The following SRRM3 variants were observed in gnomAD, a reference collection of about 807,000 sequenced individuals.
SRRM3 encodes serine/arginine repetitive matrix protein 3.
SRRM3 carries 27 observed loss-of-function variants against 66.2 expected under a neutral mutation model. The ratio of observed to expected loss-of-function variants is 0.41; its 90% CI spans 0.30 to 0.56. The LOEUF (loss-of-function observed/expected upper bound fraction) is 0.56. Among genes scored for constraint, SRRM3 ranks in the 20% least tolerant of loss-of-function variants. The pLI is 0.32. For missense variants in SRRM3, 918 were observed against 991.9 expected (o/e 0.93, Z 1.00); for synonymous variants, 391 against 414.9 (o/e 0.94, Z 0.70).
chr7:76,265,865 T>TTA (rs1802011863), intron 10 of SRRM3, among the ~76,000 whole-genome samples: 1 of 21,966 alleles, frequency 4.6e-5, no homozygotes, highest in Non-Finnish European at 6.2e-5. Context: ...TATATTTTTT[T>TTA]TTTTTTTTTT....
In SRRM3 at chr7:76,281,475, A is replaced by G. The variant is rs1554611886; in HGVS notation, c.1043A>G (p.Lys348Arg). The change falls in exon 12 of 15, where the codon AAG becomes AGG. Residue 348 changes from lysine (K) to arginine (R), a missense_variant. By Grantham distance (26) the Lys-to-Arg change is conservative. Transcript: ENST00000611745. ...TCGCCCTCGCCCAGGGTCCGTGACA[A>G]GGCGGCGGCCGCCGCACCCACGCCG... ...PSSPSPRVRD[K>R]AAAAAPTPPA... The G allele has an allele frequency of 8.2e-7, 1 of 1,223,670 alleles. No homozygotes were observed. The highest frequency in any genetic ancestry group is 1.0e-6 in the Non-Finnish European group (1 of 978,602). The allele number at this position is 1,223,670 out of a possible 1,614,324, so 75.8% of individuals were successfully genotyped here.
chr7:76,261,673 A>T, intron 8 of SRRM3, 92 bp downstream of exon 8: 1 of 1,367,794 alleles, frequency 7.3e-7, no homozygotes, highest in Non-Finnish European at 1.0e-6. Context: ...TGAGGGTCCC[A>T]CAGGGCTCCA....
chr7:76,202,784 C>G (rs993288219), intron 1 of SRRM3, among the ~76,000 whole-genome samples: 32 of 152,156 alleles, frequency 2.1e-4, no homozygotes, highest in African/African-American at 7.5e-4. Flanking sequence ...GACGCAGCCT[C>G]TGCCTTGCCT....
At chr7:76,265,858 ATTTTTTTT>A (rs1156687535) in intron 10 of SRRM3, among the ~76,000 whole-genome samples, 8 of 8,364 alleles carry the variant, frequency 9.6e-4, no homozygotes, top group Non-Finnish European at 1.2e-3. Context: ...ATATATATAT[ATTTTTTTT>A]TTTTTTTTTT....
At chr7:76,238,722 A>C (rs1801208396) in intron 2 of SRRM3, among the ~76,000 whole-genome samples, 1 of 152,088 alleles carries the variant, frequency 6.6e-6, no homozygotes, top group Non-Finnish European at 1.5e-5. Flanking sequence ...GTGCAGTGGC[A>C]TGTTCTCTGC....
chr7:76,241,177 A>G (rs1248878133), intron 2 of SRRM3, among the ~76,000 whole-genome samples: 1 of 152,220 alleles, frequency 6.6e-6, no homozygotes, highest in Non-Finnish European at 1.5e-5. Flanking sequence ...GATTGCAGGC[A>G]TAAGCCACTG....
intron 2 of SRRM3, among the ~76,000 whole-genome samples, chr7:76,246,355 G>A (rs1583904191): frequency 6.6e-6 from 1 of 152,130 alleles, no homozygotes; most frequent in South Asian, 2.1e-4. Context: ...TCTGAGGTCA[G>A]GAGTTCATGA....
chr7:76,282,544 G>A (rs1376943183), intron 12 of SRRM3, 104 bp from the exon 13 acceptor site: 3 of 580,812 alleles, frequency 5.2e-6, no homozygotes, highest in Non-Finnish European at 7.9e-6. Flanking sequence ...CAAACTACAC[G>A]GACCCCGCCC....
Position 76,241,148 on chromosome 7 carries a change from C to T in SRRM3, c.233+5849C>T, listed in dbSNP as rs1436325727. ...CTGACCTCAAGTGATCTGCCCGCCT[C>T]GGCCTCCCAAAGTACTGAGATTGCA... On this transcript the variant is annotated intron_variant, in intron 2 of 14. Coordinates refer to ENST00000611745, the MANE Select transcript of SRRM3 (RefSeq NM_001110199.3). 3.3e-4 allele frequency among the ~76,000 whole-genome samples: 50 copies of T among 152,124 alleles called. 1 individual carries two copies. The highest frequency in any genetic ancestry group is 1.1e-3 in the African/African-American group (45 of 41,420).
At chr7:76,283,233 A>C (rs1802577422) in intron 14 of SRRM3, 132 bp downstream of exon 14, 13 of 934,010 alleles carry the variant, frequency 1.4e-5, no homozygotes, top group East Asian at 4.3e-5. Flanking sequence ...GGGGGTGCTA[A>C]GGGACAATGA....
At chr7:76,284,457 C>T (rs539215298) in intron 14 of SRRM3, among the ~76,000 whole-genome samples, 4 of 152,282 alleles carry the variant, frequency 2.6e-5, no homozygotes, top group East Asian at 3.9e-4. Flanking sequence ...GGATTATAGG[C>T]GTGAGCCCCC....
chr7:76,259,837 C>CG (rs2117055384), intron 3 of SRRM3, 69 bp from the exon 4 acceptor site: 2 of 1,594,862 alleles, frequency 1.3e-6, no homozygotes, highest in East Asian at 2.2e-5. Flanking sequence ...GGTCAGGCCC[C>CG]CTGCGCCGAG....
intron 2 of SRRM3, among the ~76,000 whole-genome samples, chr7:76,246,643 C>A (rs1351651571): frequency 3.3e-5 from 5 of 152,144 alleles, no homozygotes; most frequent in Non-Finnish European, 7.4e-5. Flanking sequence ...TGAGTTGAAC[C>A]AACTCGGAGG....
At position 76,283,030 on chromosome 7, in the gene SRRM3, C is replaced by T. The variant is rs782271397; in HGVS notation, c.1662C>T (p.Ser554=). 2 of 1,488,604 alleles carry T rather than the reference C, an allele frequency of 1.3e-6. No homozygotes were observed. The highest frequency in any genetic ancestry group is 1.8e-6 in the Non-Finnish European group (2 of 1,129,196). 92.2% of individuals were successfully genotyped at this position (1,488,604 alleles called of 1,614,324 possible). The change falls in exon 14 of 15, where the codon TCC becomes TCT. Residue 554 remains serine (S), a synonymous_variant. Coordinates refer to ENST00000611745, the MANE Select transcript of SRRM3 (RefSeq NM_001110199.3). ...EAEATRARRR[S]RSYSPIRKRR... ...AGGCCACCCGCGCCCGGCGCCGCTCCCGCAGCTACTCGCCCATCCGCAAGC... is the reference window on the plus strand; with the variant it reads ...AGGCCACCCGCGCCCGGCGCCGCTCTCGCAGCTACTCGCCCATCCGCAAGC...
intron 2 of SRRM3, among the ~76,000 whole-genome samples, chr7:76,244,790 C>T (rs1392604684): frequency 2.6e-5 from 4 of 152,334 alleles, no homozygotes; most frequent in Admixed American, 1.3e-4. Context: ...GTTCTCTCTT[C>T]TCCAGCCATG....
At position 76,259,918 on chromosome 7, in the gene SRRM3, C is replaced by T. The variant is rs782186937; in HGVS notation, c.348C>T (p.Thr116=). Residue 116 remains threonine, a synonymous_variant, in exon 4 of 15, where the codon ACC becomes ACT. Transcript: ENST00000611745. The stretch of plus-strand genomic sequence containing the variant: ...CTGTCGCCGGCAGTGTGGCGGAGAC[C>T]CCGCGGCTGACCGAGGGCGCTGAGC... ...DRPGGHIVAE[T]PRLTEGAEPG... 1 of 1,601,696 alleles carries T rather than the reference C, an allele frequency of 6.2e-7. No homozygotes were observed. Among genetic ancestry groups the T allele is most frequent in the Non-Finnish European group, 8.5e-7 (1 of 1,179,550 alleles).
chr7:76,261,190 G>T lies in SRRM3; in HGVS notation c.576-162G>T, dbSNP rs374661912. 1.3e-3 allele frequency among the ~76,000 whole-genome samples: 198 copies of T among 152,074 alleles called. 9 individuals are homozygous for T. In the South Asian group the frequency reaches 0.037, roughly 28 times the overall value. ...ATCAACTACCCTGAGGGACCTTGGCGACCCTTGGGGCCTCGGGTCACTCTG... is the reference window on the plus strand; with the variant it reads ...ATCAACTACCCTGAGGGACCTTGGCTACCCTTGGGGCCTCGGGTCACTCTG... On this transcript the variant is annotated intron_variant, in intron 6 of 14. Transcript: ENST00000611745.
chr7:76,220,251 C>A (rs558993326), intron 1 of SRRM3, among the ~76,000 whole-genome samples: 4 of 152,220 alleles, frequency 2.6e-5, no homozygotes, highest in Non-Finnish European at 5.9e-5. Context: ...TGCTAGATTG[C>A]GAGTAGTAGC....
At chr7:76,265,845 TATATATATA>T (rs1583926331) in intron 10 of SRRM3, among the ~76,000 whole-genome samples, 1 of 9,098 alleles carries the variant, frequency 1.1e-4, no homozygotes, top group Non-Finnish European at 1.6e-4. Context: ...TATATATATA[TATATATATA>T]TATATTTTTT....
Sources: allele counts gnomAD v4.1 joint callset (sites outside exome capture counted in the v4.1 genomes callset), GRCh38; gene constraint gnomAD v4.1.1; transcripts MANE v1.5; gene names NCBI Gene and HGNC (gene_info 2026-07-23, HGNC 2026-07-21).